The following ARMC9 variants were observed in gnomAD, a reference collection of about 807,000 sequenced individuals.
ARMC9 encodes the protein lisH domain-containing protein ARMC9.
ARMC9 carries 94 observed loss-of-function variants against 107.0 expected under a neutral mutation model. The ratio of observed to expected loss-of-function variants is 0.88; its 90% confidence interval spans 0.74 to 1.04. The LOEUF (loss-of-function observed/expected upper bound fraction) is 1.04. ARMC9 is among the 50% of genes least tolerant of loss of function. The probability of loss-of-function intolerance (pLI) is 0.00; values close to 1 mark genes in which losing one functional copy is unlikely to be tolerated. For synonymous variants in ARMC9, 380 were observed against 396.9 expected (o/e 0.96, Z 0.51); for missense variants, 942 against 1,030.1 (o/e 0.91, Z 1.17).
chr2:231,333,844 G>A (rs1407660168), intron 20 of ARMC9, among the ~76,000 whole-genome samples: 2 of 152,250 alleles, frequency 1.3e-5, no homozygotes, highest in African/African-American at 2.4e-5. Context: ...CTTGAATACA[G>A]CGCTCAGTTA....
chr2:231,348,731 T>C (rs1045177708), intron 21 of ARMC9, among the ~76,000 whole-genome samples: 1 of 152,184 alleles, frequency 6.6e-6, no homozygotes, highest in African/African-American at 2.4e-5. Context: ...CAAACAACTC[T>C]ATAGGAAAAA....
intron 11 of ARMC9, 40 bp downstream of exon 11, chr2:231,259,142 C>A (rs2038108079): frequency 1.3e-6 from 2 of 1,520,698 alleles, no homozygotes; most frequent in African/African-American, 1.4e-5. Flanking sequence ...CAAAACCAAA[C>A]CAGTGCTGGT....
intron 23 of ARMC9, among the ~76,000 whole-genome samples, chr2:231,361,177 G>A (rs1458817479): frequency 6.6e-6 from 1 of 152,214 alleles, no homozygotes; most frequent in Non-Finnish European, 1.5e-5. Flanking sequence ...TCCAGGGCTG[G>A]GTGATGGGGT....
At chr2:231,331,128 C>G (rs988682118) in intron 19 of ARMC9, among the ~76,000 whole-genome samples, 3 of 152,070 alleles carry the variant, frequency 2.0e-5, no homozygotes, top group Non-Finnish European at 4.4e-5. Flanking sequence ...GGTGACAGAG[C>G]GAGACCCTAT....
rs1337708106 is a variant in ARMC9 at position 231,363,739 on chromosome 2, G to T, written c.2261+2856G>T. Among the ~76,000 whole-genome samples the T allele has an allele frequency of 5.9e-5, 9 of 152,086 alleles. No homozygotes were observed. The South Asian group carries it at 1.9e-3, about 32-fold the overall frequency. ...GTCTCTACTAAAAATACAAAAATTA[G>T]CTGGGCGTGGTGGCACGTGCTTGTA... On this transcript the variant is annotated intron_variant, in intron 23 of 24. Coordinates refer to ENST00000611582, the MANE Select transcript of ARMC9 (RefSeq NM_001352754.2).
chr2:231,275,480 C>A (rs1219248947), intron 14 of ARMC9, among the ~76,000 whole-genome samples: 1 of 152,192 alleles, frequency 6.6e-6, no homozygotes, highest in Non-Finnish European at 1.5e-5. Flanking sequence ...AGATTCTACA[C>A]CTGGACTTTG....
chr2:231,232,822 A>G (rs1361878549), intron 7 of ARMC9, among the ~76,000 whole-genome samples: 1 of 152,126 alleles, frequency 6.6e-6, no homozygotes, highest in Non-Finnish European at 1.5e-5. Flanking sequence ...ATAATAATTC[A>G]TTATCATTGA....
chr2:231,216,691 C>T lies in ARMC9; in HGVS notation c.402C>T (p.Thr134=), dbSNP rs757900084. The part of the protein sequence containing the change: ...KISYFKTYLE[T]KGAALSQTTE... ...CCTACTTCAAAACCTACCTGGAGAC[C>T]AAAGGGGCAGCCTTGAGCCAGACCA... The change falls in exon 5 of 25, where the codon ACC becomes ACT. Residue 134 remains threonine, a synonymous_variant. Transcript: ENST00000611582. 1 of 1,613,916 alleles carries T rather than the reference C, an allele frequency of 6.2e-7. No individual in the cohort carries two copies. The highest frequency in any genetic ancestry group is 1.3e-5 in the African/African-American group (1 of 75,020).
chr2:231,314,114 T>C (rs1232338260), intron 19 of ARMC9, among the ~76,000 whole-genome samples: 1 of 151,142 alleles, frequency 6.6e-6, no homozygotes, highest in Non-Finnish European at 1.5e-5. Context: ...AGTTTCACTC[T>C]TATTGACCAG....
intron 9 of ARMC9, among the ~76,000 whole-genome samples, chr2:231,252,106 A>G (rs1219220787): frequency 6.6e-6 from 1 of 152,216 alleles, no homozygotes; most frequent in Non-Finnish European, 1.5e-5. Context: ...AAATAGAATG[A>G]TAGAGAGTTT....
In ARMC9 at chr2:231,256,624, A is replaced by G. The variant is rs2125404369; in HGVS notation, c.914+4A>G. 1.9e-6 allele frequency: 3 copies of G among 1,613,754 alleles called. No homozygotes were observed. The highest frequency in any genetic ancestry group is 2.5e-6 in the Non-Finnish European group (3 of 1,179,694). ...TACGAGCCTCCTTGGCACCCGTGTA[A>G]GTAACTGCTCTTAGGAATTTTTATT... On this transcript the variant is annotated splice_donor_region_variant and intron_variant, in intron 10 of 24. Transcript: ENST00000611582.
intron 14 of ARMC9, among the ~76,000 whole-genome samples, chr2:231,275,181 C>T (rs1017779361): frequency 4.6e-5 from 7 of 152,166 alleles, no homozygotes; most frequent in African/African-American, 1.7e-4. Flanking sequence ...TAGCTAGTTA[C>T]CAAGAGAGCG....
intron 14 of ARMC9, among the ~76,000 whole-genome samples, chr2:231,275,989 G>A (rs1267628751): frequency 1.3e-5 from 2 of 152,070 alleles, no homozygotes; most frequent in Non-Finnish European, 2.9e-5. Context: ...TGTCAAAGAA[G>A]TATTTCTATG....
At chr2:231,313,345 C>T (rs899886532) in intron 19 of ARMC9, among the ~76,000 whole-genome samples, 5 of 152,140 alleles carry the variant, frequency 3.3e-5, no homozygotes, top group Non-Finnish European at 7.4e-5. Context: ...TCAACCTATT[C>T]GTGTCTTTTA....
intron 19 of ARMC9, among the ~76,000 whole-genome samples, chr2:231,316,444 T>G (rs2042684618): frequency 6.6e-6 from 1 of 152,000 alleles, no homozygotes; most frequent in African/African-American, 2.4e-5. Context: ...GTGGATCACC[T>G]GAGGTCAGGA....
intron 7 of ARMC9, among the ~76,000 whole-genome samples, chr2:231,229,493 A>G (rs1405537957): frequency 6.6e-6 from 1 of 152,242 alleles, no homozygotes; most frequent in African/African-American, 2.4e-5. Context: ...CAGGTTGACA[A>G]TGTAGTAACA....
chr2:231,265,635 A>G (rs921433398), intron 12 of ARMC9, among the ~76,000 whole-genome samples: 3 of 152,118 alleles, frequency 2.0e-5, no homozygotes, highest in Non-Finnish European at 4.4e-5. Flanking sequence ...AGAAGTCACC[A>G]CTAAATAACT....
At chr2:231,302,350 A>G (rs995648279) in intron 19 of ARMC9, among the ~76,000 whole-genome samples, 7 of 151,214 alleles carry the variant, frequency 4.6e-5, no homozygotes, top group African/African-American at 1.7e-4. Flanking sequence ...TAGTAAATCC[A>G]TTACATTAAT....
chr2:231,327,567 C>T (rs1296069084), intron 19 of ARMC9, among the ~76,000 whole-genome samples: 1 of 152,088 alleles, frequency 6.6e-6, no homozygotes, highest in Non-Finnish European at 1.5e-5. Context: ...CATTTGTTTA[C>T]CTGTTCTCTT....
Sources: gnomAD v4.1 joint callset for allele counts (sites outside exome capture counted in the v4.1 genomes callset) on GRCh38, gnomAD v4.1.1 for gene constraint, MANE v1.5 for transcripts, NCBI Gene and HGNC (gene_info 2026-07-23, HGNC 2026-07-21) for gene names.